TAF6: variants seen among roughly 807,000 people sequenced by gnomAD.
TAF6 encodes the protein transcription initiation factor TFIID subunit 6.
Under a neutral mutation model 73.5 loss-of-function variants are expected in TAF6, and 50 were observed. That is an observed-to-expected ratio of 0.68 (90% CI 0.54 to 0.86). The LOEUF (loss-of-function observed/expected upper bound fraction) is 0.86. Among genes scored for constraint, TAF6 ranks in the 40% least tolerant of loss-of-function variants. The pLI is 0.00. For synonymous variants in TAF6, 424 were observed against 376.7 expected (o/e 1.13, Z -1.45); for missense variants, 768 against 899.5 (o/e 0.85, Z 1.87).
upstream of TAF6, among the ~76,000 whole-genome samples, chr7:100,120,694 G>T (rs1016749121): frequency 1.5e-4 from 23 of 152,106 alleles, no homozygotes; most frequent in African/African-American, 2.4e-4. Flanking sequence ...TCACCTAATT[G>T]TATCAGTCCT....
upstream of TAF6, chr7:100,119,515 A>T (rs1416151022): frequency 8.2e-6 from 11 of 1,337,340 alleles, no homozygotes; most frequent in East Asian, 2.6e-4. Context: ...TAATTACTGC[A>T]ATTTATTCCT....
rs1312607776 is a variant in TAF6, at chr7:100,111,914, G to A, written c.798+8C>T. 6.2e-7 allele frequency: 1 copy of A among 1,614,186 alleles called. No individual in the cohort carries two copies. The highest frequency in any genetic ancestry group is 8.5e-7 in the Non-Finnish European group (1 of 1,180,026). On this transcript the variant is annotated splice_region_variant and intron_variant, in intron 8 of 14. Transcript: ENST00000453269. Reference sequence around the variant, plus strand: ...CCGTCCCTGCACTGTGGAACCTCATGCTCTCACCCCCTCCGAGATAAAGGT... The same window carrying A: ...CCGTCCCTGCACTGTGGAACCTCATACTCTCACCCCCTCCGAGATAAAGGT...
chr7:100,122,919 A>G, upstream of TAF6: 2 of 1,607,254 alleles, frequency 1.2e-6, no homozygotes, highest in Non-Finnish European at 8.5e-7. Flanking sequence ...AGGATAAGAC[A>G]CTGCACCATC....
chr7:100,112,162 G>A lies in TAF6; in HGVS notation c.666C>T (p.Leu222=). The A allele has an allele frequency of 2.5e-6, 4 of 1,614,108 alleles. No individual in the cohort carries two copies. The highest frequency in any genetic ancestry group is 3.4e-6 in the Non-Finnish European group (4 of 1,180,012). The change falls in exon 7 of 15, where the codon CTC becomes CTT. Residue 222 remains leucine (L), a synonymous_variant. Coordinates refer to ENST00000453269, the MANE Select transcript of TAF6 (RefSeq NM_139315.3). ...AGGCCTCGGTGATCTCCTTGTAGTA[G>A]AGCTGCTGCTCCACAGACAACTCGT... ...SIHELSVEQQ[L]YYKEITEACV...
Position 100,108,423 on chromosome 7 carries a change from C to T in TAF6, c.1402G>A (p.Ala468Thr). 1.2e-6 allele frequency: 2 copies of T among 1,613,792 alleles called. No homozygotes were observed. Among genetic ancestry groups the T allele is most frequent in the Non-Finnish European group, 1.7e-6 (2 of 1,179,788 alleles). ...LLCSQVVKARAQAALQAQQVN... is the reference protein window; with the variant it reads ...LLCSQVVKARTQAALQAQQVN... ...TGCTGAGCCTGCAGAGCAGCCTGGG[C>T]CCGAGCCTTGACCACCTGGGAGCAG... The change falls in exon 13 of 15, where the codon GCC becomes ACC. Residue 468 changes from alanine to threonine, a missense_variant. Coordinates refer to ENST00000453269, the MANE Select transcript of TAF6 (RefSeq NM_139315.3).
chr7:100,121,151 C>A (rs4727447), upstream of TAF6: 1 of 90,740 alleles, frequency 1.1e-5, no homozygotes, highest in Admixed American at 1.3e-4. Flanking sequence ...TTTTTTTTTT[C>A]TCTTTTCAGA....
At chr7:100,123,199 G>A (rs924491160), upstream of TAF6, among the ~76,000 whole-genome samples, 1 of 152,048 alleles carries the variant, frequency 6.6e-6, no homozygotes, top group African/African-American at 2.4e-5. Flanking sequence ...AAAGTTAGCT[G>A]GGCGTGGTGG....
chr7:100,122,261 T>G (rs755760693), upstream of TAF6: 13 of 1,613,798 alleles, frequency 8.1e-6, no homozygotes, highest in Non-Finnish European at 1.1e-5. Flanking sequence ...CCCACCAGTG[T>G]GTAAGCTGCT....
At chr7:100,107,903 C>T in intron 14 of TAF6, 23 bp downstream of exon 14, 1 of 1,584,868 alleles carries the variant, frequency 6.3e-7, no homozygotes, top group Non-Finnish European at 8.6e-7. Flanking sequence ...TCCAGATGCT[C>T]CCTGTCCCAC....
chr7:100,110,330 G>A (rs1049263414), intron 10 of TAF6, 56 bp from the exon 11 acceptor site: 7 of 1,569,296 alleles, frequency 4.5e-6, no homozygotes, highest in Non-Finnish European at 1.8e-6. Flanking sequence ...TGATTGACAG[G>A]GACCTAAGTC....
In TAF6 at chr7:100,111,817, C is replaced by G. The variant is rs1168861353; in HGVS notation, c.811G>C (p.Val271Leu). The G allele has an allele frequency of 6.2e-7, 1 of 1,614,222 alleles. No homozygotes were observed. The highest frequency in any genetic ancestry group is 2.2e-5 in the East Asian group (1 of 44,894). ...TFISEGVRVN[V>L]VQNNLALLIY... ...AGTAGGGCCAGGTTGTTCTGAACCA[C>G]GTTCACACGGACCTGTGGGAGGGAG... The change falls in exon 9 of 15, where the codon GTG (valine) becomes CTG (leucine). Residue 271 changes from valine (V) to leucine (L), a missense_variant. Val to Leu is a conservative substitution (Grantham distance 32). Transcript: ENST00000453269.
intron 8 of TAF6, 31 bp downstream of exon 8, chr7:100,111,891 G>T (rs551882557): frequency 8.7e-6 from 14 of 1,613,772 alleles, no homozygotes; most frequent in Non-Finnish European, 1.2e-5. Context: ...TTCCACTGCC[G>T]TCCCTGCACT....
At position 100,111,267 on chromosome 7, in the gene TAF6, G is replaced by A; in HGVS notation, c.955C>T (p.Leu319=). ...MTCIVSRQLC[L]RPDVDNHWAL... is the part of the protein sequence containing the mutation. Reference sequence around the variant, plus strand: ...CAGTGATTGTCCACATCTGGTCGCAGGCACAACTGTCTGCTCACGATGCAG... The same window carrying A: ...CAGTGATTGTCCACATCTGGTCGCAAGCACAACTGTCTGCTCACGATGCAG... The change falls in exon 10 of 15, where the codon CTG becomes TTG. Residue 319 remains leucine, a synonymous_variant. Coordinates refer to ENST00000453269, the MANE Select transcript of TAF6 (RefSeq NM_139315.3). The A allele has an allele frequency of 6.2e-7, 1 of 1,614,240 alleles. No homozygotes were observed. The highest frequency in any genetic ancestry group is 8.5e-7 in the Non-Finnish European group (1 of 1,180,050).
At chr7:100,113,467 G>A in intron 4 of TAF6, 62 bp from the exon 5 acceptor site, 1 of 1,528,342 alleles carries the variant, frequency 6.5e-7, no homozygotes, top group East Asian at 2.3e-5. Flanking sequence ...GTTGCCCCAT[G>A]CTATGGAAGC....
the TAF6 span, among the ~76,000 whole-genome samples, chr7:100,125,948 A>G: frequency 6.6e-6 from 1 of 152,328 alleles, no homozygotes; most frequent in Admixed American, 6.5e-5. Flanking sequence ...GCACTTTGGG[A>G]GGCCAAGGCG....
the TAF6 span, among the ~76,000 whole-genome samples, chr7:100,126,499 T>C: frequency 6.6e-6 from 1 of 151,528 alleles, no homozygotes; most frequent in Non-Finnish European, 1.5e-5. Context: ...CGAGACTGTC[T>C]CAAAAGAAAA....
Position 100,112,247 on chromosome 7 carries a change from T to A in TAF6, c.581A>T (p.Glu194Val). 6.2e-7 allele frequency: 1 copy of A among 1,612,426 alleles called. No individual in the cohort carries two copies. The highest frequency in any genetic ancestry group is 8.5e-7 in the Non-Finnish European group (1 of 1,179,314). ...GATTADGKGK[E>V]KKAPPLLEGA... ...CTCCAGCAAGGGCGGCGCCTTCTTCTCTTTCCCTGTGTGATTGGAAAGGTG... is the reference window on the plus strand; with the variant it reads ...CTCCAGCAAGGGCGGCGCCTTCTTCACTTTCCCTGTGTGATTGGAAAGGTG... Residue 194 changes from glutamate to valine, a missense_variant, in exon 7 of 15, where the codon GAG becomes GTG. Physicochemically the swap from Glu to Val is moderately radical, Grantham distance 121 (BLOSUM62 -2). Transcript: ENST00000453269.
rs1431646238 is a variant in TAF6, at chr7:100,109,966, A to G, written c.1266T>C (p.His422=). The change falls in exon 12 of 15, where the codon CAT becomes CAC. Residue 422 remains histidine, a synonymous_variant. Transcript: ENST00000453269. The part of the protein sequence containing the change: ...LSNIDRIGAD[H]VQSLLLKHCA... ...CAGTCACCAGCAGGAGGCTCTGCAC[A>G]TGGTCTGCTCCAATCCGGTCAATGT... 11 of 1,614,162 alleles carry G rather than the reference A, an allele frequency of 6.8e-6. No homozygotes were observed. Among genetic ancestry groups the G allele is most frequent in the Non-Finnish European group, 9.3e-6 (11 of 1,180,026 alleles).
chr7:100,122,509 A>C, upstream of TAF6: 3 of 1,613,716 alleles, frequency 1.9e-6, no homozygotes, highest in Non-Finnish European at 2.5e-6. Flanking sequence ...GGCCTTAGAG[A>C]ATTTATGTGA....
Sources: gnomAD v4.1 joint callset for allele counts (sites outside exome capture counted in the v4.1 genomes callset) on GRCh38, gnomAD v4.1.1 for gene constraint, MANE v1.5 for transcripts, NCBI Gene and HGNC (gene_info 2026-07-23, HGNC 2026-07-21) for gene names.